Variants in MS4A18 observed in about 807,000 individuals in gnomAD.
MS4A18 encodes membrane-spanning 4-domains subfamily A member 18.
MS4A18 carries 27 observed loss-of-function variants against 13.1 expected under a neutral mutation model. The ratio of observed to expected loss-of-function variants is 2.06; its 90% CI spans 1.52 to 2.84. The LOEUF (loss-of-function observed/expected upper bound fraction) is 2.84, where lower values mean the gene tolerates loss of function less well. MS4A18 is among the 30% of genes most tolerant of loss of function. The probability of loss-of-function intolerance (pLI) is 0.00; values close to 1 mark genes in which losing one functional copy is unlikely to be tolerated. For synonymous variants in MS4A18, 126 were observed against 76.5 expected (o/e 1.65, Z -3.38); for missense variants, 307 against 196.4 (o/e 1.56, Z -3.37).
At chr11:60,734,129 A>C (rs1371118681) in intron 2 of MS4A18, among the ~76,000 whole-genome samples, 1 of 152,006 alleles carries the variant, frequency 6.6e-6, no homozygotes, top group Non-Finnish European at 1.5e-5. Flanking sequence ...GGTGGTGTGC[A>C]CTTGTAGTCC....
intron 2 of MS4A18, among the ~76,000 whole-genome samples, chr11:60,734,076 C>G (rs186031800): frequency 3.3e-5 from 5 of 151,996 alleles, no homozygotes; most frequent in Admixed American, 2.0e-4. Flanking sequence ...AGACCTCCCC[C>G]CACCCGCCAT....
chr11:60,738,380 C>T (rs1309103673), intron 3 of MS4A18, among the ~76,000 whole-genome samples: 1 of 152,204 alleles, frequency 6.6e-6, no homozygotes, highest in Non-Finnish European at 1.5e-5. Context: ...CTCCCCGACT[C>T]CCTTCCCTCA....
chr11:60,742,465 G>A (rs1010747575), intron 5 of MS4A18, among the ~76,000 whole-genome samples: 3 of 152,138 alleles, frequency 2.0e-5, no homozygotes, highest in African/African-American at 7.2e-5. Context: ...CCACACCTAA[G>A]ACTGTGTTCT....
chr11:60,737,409 G>A (rs1853358599), intron 3 of MS4A18, among the ~76,000 whole-genome samples: 1 of 152,214 alleles, frequency 6.6e-6, no homozygotes, highest in South Asian at 2.1e-4. Flanking sequence ...CCTTATGGGT[G>A]CTCTGAATTA....
chr11:60,731,810 G>A (rs7113117), intron 1 of MS4A18, among the ~76,000 whole-genome samples: 5,173 of 152,208 alleles, frequency 0.034, 276 homozygotes, highest in African/African-American at 0.12. Context: ...GAAATCACTC[G>A]AAAAACCGTT....
At chr11:60,744,586 G>T (rs1406776876), downstream of MS4A18, among the ~76,000 whole-genome samples, 2 of 152,136 alleles carry the variant, frequency 1.3e-5, no homozygotes, top group Admixed American at 1.3e-4. Flanking sequence ...AAAAGTCATA[G>T]GCTGGAAGAA....
intron 1 of MS4A18, among the ~76,000 whole-genome samples, chr11:60,733,112 C>A (rs1205918271): frequency 2.0e-5 from 3 of 152,190 alleles, no homozygotes; most frequent in Non-Finnish European, 4.4e-5. Flanking sequence ...GGTTTCCCTG[C>A]AAATAAGGAA....
chr11:60,727,571 G>A (rs1265224757), upstream of MS4A18, among the ~76,000 whole-genome samples: 1 of 152,134 alleles, frequency 6.6e-6, no homozygotes, highest in Non-Finnish European at 1.5e-5. Flanking sequence ...GGATGCAGCT[G>A]GGACAGGGGG....
upstream of MS4A18, among the ~76,000 whole-genome samples, chr11:60,725,350 C>T (rs183708242): frequency 3.3e-5 from 5 of 152,314 alleles, no homozygotes; most frequent in East Asian, 1.9e-4. Context: ...CCCGCCACCA[C>T]GCCCGGCTAA....
At chr11:60,724,869 G>A (rs1222183594), upstream of MS4A18, among the ~76,000 whole-genome samples, 4 of 152,248 alleles carry the variant, frequency 2.6e-5, no homozygotes, top group South Asian at 2.1e-4. Flanking sequence ...GGACCTAGGC[G>A]GTCCCTCGGA....
At position 60,729,645 on chromosome 11, in the gene MS4A18, G is replaced by A. The variant is rs2134673604; in HGVS notation, c.330G>A (p.Trp110Ter). The A allele has an allele frequency of 2.8e-6, 2 of 702,746 alleles. No individual in the cohort carries two copies. Among genetic ancestry groups the A allele is most frequent in the Middle Eastern group, 4.6e-4 (2 of 4,364 alleles). The allele number at this position is 702,746 out of a possible 1,614,324, so 43.5% of individuals were successfully genotyped here. The change falls in exon 1 of 6, where the codon TGG becomes TGA. Residue 110 changes from tryptophan to a stop codon, truncating the protein, a stop_gained. Coordinates refer to ENST00000529108, the Ensembl canonical transcript of MS4A18. LOFTEE classifies it high-confidence loss of function. The stretch of plus-strand genomic sequence containing the variant: ...AGGGAACCACGAATCTCCAGACATG[G>A]CCTGGAGACCTTCAGAATCCTCTGA...
At position 60,731,885 on chromosome 11, in the gene MS4A18, T is replaced by TA. The variant is rs548963280; in HGVS notation, c.478-1645dup. ...CTTCAGCCTCAAGAGTGTGTTTATG[T>TA]AAAATTAAATGAGTGCTGGCAGCGA... On this transcript the variant is annotated intron_variant, in intron 1 of 5. Transcript: ENST00000529108. Among the ~76,000 whole-genome samples the TA allele has an allele frequency of 3.9e-3, 594 of 152,346 alleles. 5 individuals are homozygous for TA. Among genetic ancestry groups the TA allele is most frequent in the African/African-American group, 0.013 (557 of 41,582 alleles).
At chr11:60,737,126 G>A (rs1853354504) in intron 3 of MS4A18, 92 bp downstream of exon 4, 2 of 694,488 alleles carry the variant, frequency 2.9e-6, no homozygotes, top group African/African-American at 3.5e-5. Flanking sequence ...TAGTGGTGTG[G>A]CCTGGCCCTG....
At chr11:60,735,130 G>T (rs1231808105) in intron 2 of MS4A18, among the ~76,000 whole-genome samples, 1 of 152,014 alleles carries the variant, frequency 6.6e-6, no homozygotes, top group Non-Finnish European at 1.5e-5. Context: ...ACTTGAAGGG[G>T]TTTGAATGGT....
upstream of MS4A18, chr11:60,729,174 G>T: frequency 3.3e-6 from 2 of 602,314 alleles, no homozygotes; most frequent in Non-Finnish European, 3.0e-6. Flanking sequence ...AAGGCAAGAA[G>T]TTTATTTTGT....
chr11:60,743,678 G>C, exon 6 of MS4A18: 1 of 702,940 alleles, frequency 1.4e-6, no homozygotes. Context: ...ACCGTATTCA[G>C]TTTCAACCCA....
intron 3 of MS4A18, among the ~76,000 whole-genome samples, chr11:60,737,445 C>A (rs1466358525): frequency 2.0e-5 from 3 of 152,188 alleles, no homozygotes; most frequent in Admixed American, 1.3e-4. Context: ...CTGAGCCAAA[C>A]GAAAATGTGT....
intron 3 of MS4A18, among the ~76,000 whole-genome samples, chr11:60,737,489 A>T (rs193125385): frequency 2.0e-5 from 3 of 152,212 alleles, no homozygotes; most frequent in African/African-American, 7.2e-5. Flanking sequence ...GATATTTTCC[A>T]TGATCCTCTT....
At chr11:60,730,676 C>G (rs995160854) in intron 1 of MS4A18, among the ~76,000 whole-genome samples, 5 of 152,174 alleles carry the variant, frequency 3.3e-5, no homozygotes, top group Non-Finnish European at 7.3e-5. Context: ...GGAAGGGGAC[C>G]CATTCCTCCT....
Sources: allele counts gnomAD v4.1 joint callset (sites outside exome capture counted in the v4.1 genomes callset), GRCh38; gene constraint gnomAD v4.1.1; transcripts MANE v1.5; gene names NCBI Gene and HGNC (gene_info 2026-07-23, HGNC 2026-07-21).